CEP85: variants seen among roughly 807,000 people sequenced by gnomAD.
CEP85 encodes the protein centrosomal protein 85.
Under a neutral mutation model 93.7 loss-of-function variants are expected in CEP85, and 58 were observed. That is an observed-to-expected ratio of 0.62 (90% CI 0.50 to 0.77). CEP85 has a LOEUF of 0.77. CEP85 is among the 30% of genes least tolerant of loss of function. CEP85 has a pLI of 0.00. For synonymous variants in CEP85, 314 were observed against 338.6 expected (o/e 0.93, Z 0.80); for missense variants, 868 against 922.0 (o/e 0.94, Z 0.76).
rs768925856 is a variant in CEP85, at chr1:26,271,122, C to G, written c.1743+15C>G. The G allele has an allele frequency of 6.5e-7, 1 of 1,536,090 alleles. No homozygotes were observed. The highest frequency in any genetic ancestry group is 1.4e-5 in the African/African-American group (1 of 73,248). On this transcript the variant is annotated intron_variant, in intron 10 of 13. Coordinates refer to ENST00000451429, the MANE Select transcript of CEP85 (RefSeq NM_001319944.2). ...CGCTCCAAAAGGTGACTGAGGGTGT[C>G]CAGGCTGTAACGGAGGGTAGGCTGG...
intron 8 of CEP85, 98 bp from the exon 9 acceptor site, chr1:26,269,362 T>C (rs1307449557): frequency 1.6e-5 from 20 of 1,214,454 alleles, no homozygotes; most frequent in South Asian, 5.4e-5. Flanking sequence ...AAATTAAATA[T>C]AGGTTTGAGT....
rs1257869993 is a variant in CEP85 at position 26,275,151 on chromosome 1, A to G, written c.1902+80A>G. On this transcript the variant is annotated intron_variant, in intron 12 of 13. Coordinates refer to ENST00000451429, the MANE Select transcript of CEP85 (RefSeq NM_001319944.2). The stretch of plus-strand genomic sequence containing the variant: ...GTTTGCCCTCCCCATCTCTACCCCA[A>G]TAAGAGCCCCAGTGTTTGAAAGGGA... 23 of 1,011,844 alleles carry G rather than the reference A, an allele frequency of 2.3e-5. No individual in the cohort carries two copies. In the East Asian group the frequency reaches 3.9e-4, roughly 17 times the overall value. 62.7% of individuals were successfully genotyped at this position (1,011,844 alleles called of 1,614,324 possible). A position where few individuals can be genotyped will look rare whatever the true frequency, so the allele number is the denominator to read the frequency against.
chr1:26,264,405 T>C (rs1272214745), intron 7 of CEP85, among the ~76,000 whole-genome samples: 1 of 152,038 alleles, frequency 6.6e-6, no homozygotes, highest in Non-Finnish European at 1.5e-5. Flanking sequence ...TGGTGGTGGG[T>C]GCCTGTAATC....
chr1:26,262,369 T>G (rs1404579907), intron 7 of CEP85, among the ~76,000 whole-genome samples: 1 of 151,940 alleles, frequency 6.6e-6, no homozygotes, highest in African/African-American at 2.4e-5. Context: ...CCTCAGCTAC[T>G]TAAGAGGCTG....
rs372357520 is a variant in CEP85 at position 26,258,752 on chromosome 1, A to T, written c.1155+492A>T. On this transcript the variant is annotated intron_variant, in intron 6 of 13. Coordinates refer to ENST00000451429, the MANE Select transcript of CEP85 (RefSeq NM_001319944.2). Reference sequence around the variant, plus strand: ...GCTAGGATTACAGGTGCCTGCCACCATGCCTGGCTAATTTTTATATTTTTA... The same window carrying T: ...GCTAGGATTACAGGTGCCTGCCACCTTGCCTGGCTAATTTTTATATTTTTA... Among the ~76,000 whole-genome samples, 103 of 152,172 alleles carry T rather than the reference A, an allele frequency of 6.8e-4. 1 individual carries two copies. The highest frequency in any genetic ancestry group is 2.4e-3 in the African/African-American group (98 of 41,528).
chr1:26,263,758 C>T (rs935818238), intron 7 of CEP85, among the ~76,000 whole-genome samples: 2 of 152,096 alleles, frequency 1.3e-5, no homozygotes, highest in African/African-American at 2.4e-5. Flanking sequence ...GAGCTCTTCT[C>T]TTTCACCTGA....
chr1:26,244,029 C>G (rs1481200207), intron 2 of CEP85, 137 bp from the exon 3 acceptor site: 1 of 551,710 alleles, frequency 1.8e-6, no homozygotes, highest in South Asian at 3.5e-5. Flanking sequence ...TAGATCGGAG[C>G]AGCTGAAATA....
intron 7 of CEP85, 54 bp downstream of exon 7, chr1:26,259,856 C>G: frequency 6.8e-7 from 1 of 1,472,262 alleles, no homozygotes; most frequent in South Asian, 1.3e-5. Context: ...AGTCAGCTGT[C>G]TACTCTAAAG....
Position 26,277,429 on chromosome 1 carries a change from C to CT in CEP85, c.*136_*137insT. 1.3e-6 allele frequency: 1 copy of CT among 777,220 alleles called. No homozygotes were observed. Among genetic ancestry groups the CT allele is most frequent in the Non-Finnish European group, 2.1e-6 (1 of 482,092 alleles). 48.1% of individuals were successfully genotyped at this position (777,220 alleles called of 1,614,324 possible). On this transcript the variant is annotated 3_prime_UTR_variant, in exon 14 of 14. Coordinates refer to ENST00000451429, the MANE Select transcript of CEP85 (RefSeq NM_001319944.2). ...GAGGGGAGAGCCTGCATCTGGGGGC[C>CT]AAGGGCTGATTAGGGAACTGTGTCC...
Position 26,277,392 on chromosome 1 carries a change from G to T in CEP85, c.*99G>T. 1 of 1,223,946 alleles carries T rather than the reference G, an allele frequency of 8.2e-7. No individual in the cohort carries two copies. The highest frequency in any genetic ancestry group is 1.2e-6 in the Non-Finnish European group (1 of 866,022). 75.8% of individuals were successfully genotyped at this position (1,223,946 alleles called of 1,614,324 possible). ...TTCTCTTGTCTGCTATTCCCAGAGA[G>T]GTCTCAGAGGGGAGGGGAGAGCCTG... On this transcript the variant is annotated 3_prime_UTR_variant, in exon 14 of 14. Coordinates refer to ENST00000451429, the MANE Select transcript of CEP85 (RefSeq NM_001319944.2).
chr1:26,271,254 G>C, intron 10 of CEP85, 147 bp downstream of exon 10: 1 of 568,920 alleles, frequency 1.8e-6, no homozygotes, highest in Non-Finnish European at 3.1e-6. Context: ...AAGTCACCCT[G>C]CATAGTAATT....
chr1:26,253,703 C>T (rs1350158919), intron 3 of CEP85, among the ~76,000 whole-genome samples: 2 of 151,344 alleles, frequency 1.3e-5, no homozygotes, highest in African/African-American at 4.8e-5. Flanking sequence ...TCTTTTTCAT[C>T]ATAGCCATTC....
At chr1:26,256,397 G>C (rs2089701859) in intron 4 of CEP85, among the ~76,000 whole-genome samples, 1 of 151,854 alleles carries the variant, frequency 6.6e-6, no homozygotes, top group South Asian at 2.1e-4. Context: ...CAGGTGTGGT[G>C]GCATGCGCCT....
chr1:26,255,131 T>C lies in CEP85; in HGVS notation c.209-40T>C, dbSNP rs141182809. On this transcript the variant is annotated intron_variant, in intron 3 of 13. Coordinates refer to ENST00000451429, the MANE Select transcript of CEP85 (RefSeq NM_001319944.2). Reference sequence around the variant, plus strand: ...AGCATTCAAACTCAAGAAAGCTTGCTACTTCAATTTTTACTTATGGAAGAC... The same window carrying C: ...AGCATTCAAACTCAAGAAAGCTTGCCACTTCAATTTTTACTTATGGAAGAC... The C allele has an allele frequency of 3.4e-3, 5,248 of 1,532,940 alleles. 23 individuals are homozygous for C. Among genetic ancestry groups the C allele is most frequent in the Middle Eastern group, 5.0e-3 (29 of 5,850 alleles). 95.0% of individuals were successfully genotyped at this position (1,532,940 alleles called of 1,614,324 possible).
chr1:26,265,950 G>A (rs1007379101), intron 7 of CEP85, among the ~76,000 whole-genome samples: 2 of 152,012 alleles, frequency 1.3e-5, no homozygotes, highest in African/African-American at 4.8e-5. Flanking sequence ...GCTCACGCCT[G>A]TAATCCCAGC....
chr1:26,251,155 C>G (rs951731902), intron 3 of CEP85, among the ~76,000 whole-genome samples: 27 of 150,980 alleles, frequency 1.8e-4, no homozygotes, highest in African/African-American at 6.6e-4. Flanking sequence ...GTTAGCCAGG[C>G]TGGCCTTGAA....
chr1:26,266,383 T>C (rs993051476), intron 7 of CEP85, among the ~76,000 whole-genome samples: 1 of 152,106 alleles, frequency 6.6e-6, no homozygotes, highest in Non-Finnish European at 1.5e-5. Context: ...CAAGACCCTG[T>C]CTCAAAAAAA....
chr1:26,241,967 G>T (rs1164532204), intron 2 of CEP85, among the ~76,000 whole-genome samples: 1 of 151,732 alleles, frequency 6.6e-6, no homozygotes, highest in Non-Finnish European at 1.5e-5. Context: ...TTCGCCATAT[G>T]CCCAGGCTGG....
chr1:26,276,048 A>G (rs920549125), intron 12 of CEP85, among the ~76,000 whole-genome samples: 2 of 151,638 alleles, frequency 1.3e-5, no homozygotes, highest in African/African-American at 4.9e-5. Context: ...TAGCTGTCAT[A>G]TTGTCTTTCT....
Sources: allele counts gnomAD v4.1 joint callset (sites outside exome capture counted in the v4.1 genomes callset), GRCh38; gene constraint gnomAD v4.1.1; transcripts MANE v1.5; gene names NCBI Gene and HGNC (gene_info 2026-07-23, HGNC 2026-07-21).